INSL3: variants seen among roughly 807,000 people sequenced by gnomAD.
INSL3 encodes insulin like 3.
INSL3 carries 6 observed loss-of-function variants against 5.5 expected under a neutral mutation model. The ratio of observed to expected loss-of-function variants is 1.08; its 90% CI spans 0.59 to 2.14. The LOEUF (loss-of-function observed/expected upper bound fraction) is 2.14, where lower values mean the gene tolerates loss of function less well. Among genes scored for constraint, INSL3 ranks in the 30% most tolerant of loss-of-function variants. The pLI is 0.00. For synonymous variants in INSL3, 86 were observed against 82.1 expected, an observed-to-expected ratio of 1.05 and a Z score of -0.26; for missense variants, 178 against 184.7, an observed-to-expected ratio of 0.96 and a Z score of 0.21.
rs121912555 is a variant in INSL3, at chr19:17,816,920, G to A, written c.330C>T (p.Asn110=). 7 of 1,614,182 alleles carry A rather than the reference G, an allele frequency of 4.3e-6. No individual in the cohort carries two copies. Among genetic ancestry groups the A allele is most frequent in the Non-Finnish European group, 5.9e-6 (7 of 1,180,038 alleles). The change falls in exon 2 of 2, where the codon AAC becomes AAT. Residue 110 remains asparagine (N), a synonymous_variant. Transcript: ENST00000317306. ...HHRHHRAAAT[N]PARYCCLSGC... is the part of the protein sequence containing the mutation. Reference sequence around the variant, plus strand: ...CACTGAGGCAGCAGTAGCGTGCAGGGTTGGTGGCAGCTGCACGGTGGTGGC... The same window carrying A: ...CACTGAGGCAGCAGTAGCGTGCAGGATTGGTGGCAGCTGCACGGTGGTGGC...
intron 1 of INSL3, chr19:17,820,410 C>T: frequency 2.5e-6 from 1 of 396,070 alleles, no homozygotes; most frequent in Non-Finnish European, 4.9e-6. Flanking sequence ...CTAATCCCAA[C>T]ACTTTGGAAG....
rs143836955 is a variant in INSL3 at position 17,817,035 on chromosome 19, C to T, written c.215G>A (p.Arg72Lys). The T allele has an allele frequency of 2.8e-5, 45 of 1,613,348 alleles. No homozygotes were observed. Among genetic ancestry groups the T allele is most frequent in the African/African-American group, 5.3e-5 (4 of 75,036 alleles). Residue 72 changes from arginine (R) to lysine (K), a missense_variant, in exon 2 of 2, where the codon AGA (arginine) becomes AAA (lysine). Arg to Lys is a conservative substitution (Grantham distance 26). Transcript: ENST00000317306. ...GDRELLQWLE[R>K]RHLLHGLVAD... Reference sequence around the variant, plus strand: ...CACCAGCCCATGGAGCAGATGTCGTCTCTCCAGCCACTGTAGCAACTCACC... The same window carrying T: ...CACCAGCCCATGGAGCAGATGTCGTTTCTCCAGCCACTGTAGCAACTCACC...
intron 1 of INSL3, chr19:17,820,393 C>G (rs1200346836): frequency 2.4e-6 from 1 of 412,522 alleles, no homozygotes; most frequent in Non-Finnish European, 4.8e-6. Flanking sequence ...CACAGTGACT[C>G]ACATCGCTAA....
Position 17,818,882 on chromosome 19 carries a change from C to CT in INSL3, c.191-1824dup, listed in dbSNP as rs778998577. On this transcript the variant is annotated intron_variant, in intron 1 of 1. Transcript: ENST00000317306. Reference sequence around the variant, plus strand: ...ATACATCCCCAAATGTCAGCATCAGCTTTTTTTTTTTGAGATGGAGTCTCG... The same window carrying CT: ...ATACATCCCCAAATGTCAGCATCAGCTTTTTTTTTTTTGAGATGGAGTCTCG... 5.3e-3 allele frequency among the ~76,000 whole-genome samples: 762 copies of CT among 144,484 alleles called. 7 individuals carry two copies. Among genetic ancestry groups the CT allele is most frequent in the Middle Eastern group, 0.015 (4 of 274 alleles). The allele number at this position is 144,484 out of a possible 152,430, so 94.8% of individuals were successfully genotyped here.
At chr19:17,818,030 A>C (rs1044497114) in intron 1 of INSL3, among the ~76,000 whole-genome samples, 5 of 151,980 alleles carry the variant, frequency 3.3e-5, no homozygotes, top group African/African-American at 1.2e-4. Context: ...CACCCAGAGC[A>C]GGTCAGAGAC....
At chr19:17,818,353 CA>C (rs1476168471) in intron 1 of INSL3, among the ~76,000 whole-genome samples, 1 of 152,220 alleles carries the variant, frequency 6.6e-6, no homozygotes, top group Non-Finnish European at 1.5e-5. Flanking sequence ...CCGTGGCTCA[CA>C]CCTGTCATCC....
intron 1 of INSL3, among the ~76,000 whole-genome samples, 167 bp downstream of exon 1, chr19:17,821,150 T>TCA (rs2094194950): frequency 6.6e-6 from 1 of 152,042 alleles, no homozygotes; most frequent in African/African-American, 2.4e-5. Flanking sequence ...ACACGCGCGT[T>TCA]CACACACACT....
At chr19:17,819,528 T>A (rs2094192454) in intron 1 of INSL3, among the ~76,000 whole-genome samples, 1 of 152,144 alleles carries the variant, frequency 6.6e-6, no homozygotes, top group Non-Finnish European at 1.5e-5. Flanking sequence ...GGCGGGCAGA[T>A]CACCTGAGGT....
chr19:17,820,519 G>A (rs1313339374), intron 1 of INSL3: 1 of 247,738 alleles, frequency 4.0e-6, no homozygotes, highest in Non-Finnish European at 7.9e-6. Flanking sequence ...AATTAGCTGG[G>A]TGTGGTGGCA....
intron 1 of INSL3, chr19:17,820,484 T>C: frequency 6.6e-6 from 2 of 304,866 alleles, no homozygotes; most frequent in Non-Finnish European, 1.3e-5. Context: ...AGAGTGAGAC[T>C]CCCTCTCTAC....
At position 17,816,875 on chromosome 19, in the gene INSL3, C is replaced by A; in HGVS notation, c.375G>T (p.Leu125=). 1.2e-6 allele frequency: 2 copies of A among 1,613,764 alleles called. No individual in the cohort carries two copies. The highest frequency in any genetic ancestry group is 1.7e-6 in the Non-Finnish European group (2 of 1,180,030). Residue 125 remains leucine (L), a synonymous_variant, in exon 2 of 2, where the codon CTG becomes CTT. Coordinates refer to ENST00000317306, the MANE Select transcript of INSL3 (RefSeq NM_005543.4). Reference sequence around the variant, plus strand: ...GGAATCAGTAGGGACAGAGGGTCAGCAGGTCTTGTTGGGTACAGCCACTGA... The same window carrying A: ...GGAATCAGTAGGGACAGAGGGTCAGAAGGTCTTGTTGGGTACAGCCACTGA... ...CCLSGCTQQD[L]LTLCPY is the part of the protein sequence containing the mutation.
At chr19:17,817,466 C>CA (rs1193611512) in intron 1 of INSL3, among the ~76,000 whole-genome samples, 3 of 124,622 alleles carry the variant, frequency 2.4e-5, no homozygotes, top group African/African-American at 3.2e-5. Context: ...GCCTGGGTGA[C>CA]AGAGTGAGAC....
chr19:17,817,006 C>G lies in INSL3; in HGVS notation c.244G>C (p.Asp82His), dbSNP rs141871618. ...RRHLLHGLVA[D>H]SNLTLGPGLQ... ...CCAGGTCCCAGCGTGAGATTACTGT[C>G]GGCCACCAGCCCATGGAGCAGATGT... Residue 82 changes from aspartate to histidine, a missense_variant, in exon 2 of 2, where the codon GAC becomes CAC. Transcript: ENST00000317306. 22 of 1,613,716 alleles carry G rather than the reference C, an allele frequency of 1.4e-5. No individual in the cohort carries two copies. The Admixed American group carries it at 3.7e-4, about 27-fold the overall frequency.
At chr19:17,817,096 A>G in intron 1 of INSL3, 37 bp from the exon 2 acceptor site, 1 of 1,589,404 alleles carries the variant, frequency 6.3e-7, no homozygotes, top group Non-Finnish European at 8.6e-7. Context: ...AACGGAAACG[A>G]CAGAGGACAT....
At chr19:17,821,228 C>A in intron 1 of INSL3, 89 bp downstream of exon 1, 2 of 1,449,176 alleles carry the variant, frequency 1.4e-6, no homozygotes, top group Non-Finnish European at 1.9e-6. Flanking sequence ...TGCAAACCTG[C>A]CCACCTCCCT....
Position 17,816,893 on chromosome 19 carries a change from G to A in INSL3, c.357C>T (p.Gly119=). 6.2e-7 allele frequency: 1 copy of A among 1,614,038 alleles called. No homozygotes were observed. The highest frequency in any genetic ancestry group is 1.1e-5 in the South Asian group (1 of 91,078). ...TNPARYCCLS[G]CTQQDLLTLC... is the part of the protein sequence containing the mutation. ...GGGTCAGCAGGTCTTGTTGGGTACA[G>A]CCACTGAGGCAGCAGTAGCGTGCAG... The change falls in exon 2 of 2, where the codon GGC becomes GGT. Residue 119 remains glycine, a synonymous_variant. Transcript: ENST00000317306.
At chr19:17,819,623 C>T (rs1239541981) in intron 1 of INSL3, among the ~76,000 whole-genome samples, 1 of 151,824 alleles carries the variant, frequency 6.6e-6, no homozygotes, top group Non-Finnish European at 1.5e-5. Context: ...AGGTGGATCA[C>T]GAGATCAGGA....
At chr19:17,820,487 C>T (rs1210988866) in intron 1 of INSL3, 1 of 297,166 alleles carries the variant, frequency 3.4e-6, no homozygotes, top group Non-Finnish European at 6.5e-6. Flanking sequence ...GTGAGACTCC[C>T]TCTCTACGAA....
At position 17,821,365 on chromosome 19, in the gene INSL3, C is replaced by T; in HGVS notation, c.142G>A (p.Gly48Ser). The T allele has an allele frequency of 6.5e-7, 1 of 1,548,876 alleles. No homozygotes were observed. The highest frequency in any genetic ancestry group is 1.2e-5 in the South Asian group (1 of 84,018). The change falls in exon 1 of 2, where the codon GGC becomes AGC. Residue 48 changes from glycine to serine, a missense_variant. Transcript: ENST00000317306. Reference sequence around the variant, plus strand: ...CTGGCTTCGGTGGACCAGCGGGGGCCCCCGCACACGCGCACTAGCGCGCGT... The same window carrying T: ...CTGGCTTCGGTGGACCAGCGGGGGCTCCCGCACACGCGCACTAGCGCGCGT... Reference protein sequence around the residue: ...FVRALVRVCGGPRWSTEARRP... With the variant: ...FVRALVRVCGSPRWSTEARRP...
Sources: allele counts gnomAD v4.1 joint callset (sites outside exome capture counted in the v4.1 genomes callset), GRCh38; gene constraint gnomAD v4.1.1; transcripts MANE v1.5; gene names NCBI Gene and HGNC (gene_info 2026-07-23, HGNC 2026-07-21).